ROBO2: variants seen among roughly 807,000 people sequenced by gnomAD.
The protein encoded by ROBO2 is roundabout guidance receptor 2, also known as roundabout homolog 2.
In ROBO2, 53 loss-of-function variants were observed where a neutral mutation model predicts 160.8. The ratio of observed to expected loss-of-function variants is 0.33; its 90% confidence interval spans 0.26 to 0.41. The LOEUF (loss-of-function observed/expected upper bound fraction) is 0.41, where lower values mean the gene tolerates loss of function less well. Ranked by LOEUF, ROBO2 falls within the 10% of genes least tolerant of loss-of-function variation. The pLI is 1.00. For synonymous variants in ROBO2, 664 were observed against 611.7 expected, an observed-to-expected ratio of 1.09 and a Z score of -1.26; for missense variants, 1,577 against 1,722.4, an observed-to-expected ratio of 0.92 and a Z score of 1.49.
At chr3:77,620,418 C>T (rs751292363) in intron 22 of ROBO2, among the ~76,000 whole-genome samples, 3 of 152,286 alleles carry the variant, frequency 2.0e-5, no homozygotes, top group Non-Finnish European at 4.4e-5. Flanking sequence ...TTTTTTATTC[C>T]ATCAAGGTAT....
At chr3:77,171,926 G>T (rs2079682923) in intron 2 of ROBO2, among the ~76,000 whole-genome samples, 1 of 152,144 alleles carries the variant, frequency 6.6e-6, no homozygotes, top group Admixed American at 6.5e-5. Context: ...GAGCCGTCAA[G>T]TAGCTGTATT....
intron 1 of ROBO2, among the ~76,000 whole-genome samples, chr3:77,092,656 ATAT>A (rs1169049473): frequency 1.4e-5 from 2 of 147,236 alleles, no homozygotes; most frequent in East Asian, 1.9e-4. Flanking sequence ...TTAACAATAT[ATAT>A]TATTTTAATT....
At chr3:76,427,871 T>TCA (rs1223849569) in intron 2 of ROBO2, among the ~76,000 whole-genome samples, 3 of 152,160 alleles carry the variant, frequency 2.0e-5, no homozygotes, top group African/African-American at 7.2e-5. Flanking sequence ...TCTTAATCAG[T>TCA]CACATTGATT....
rs577058850 is a variant in ROBO2 at position 77,531,361 on chromosome 3, A to G, written c.934+8459A>G. Among the ~76,000 whole-genome samples the G allele has an allele frequency of 1.2e-3, 175 of 151,524 alleles. 2 individuals carry two copies. Among genetic ancestry groups the G allele is most frequent in the African/African-American group, 3.8e-3 (157 of 41,264 alleles). ...ATTCACCATTTAAAAATTATTTTTT[A>G]AAATAAGCAGCCACTACTCTAAACA... On this transcript the variant is annotated intron_variant, in intron 6 of 25. Coordinates refer to ENST00000461745, the Ensembl canonical transcript of ROBO2.
intron 2 of ROBO2, among the ~76,000 whole-genome samples, chr3:77,270,730 C>G (rs978910783): frequency 9.2e-5 from 14 of 152,012 alleles, no homozygotes; most frequent in African/African-American, 3.4e-4. Flanking sequence ...AGATCATGAG[C>G]TCAGGAGTTC....
intron 2 of ROBO2, among the ~76,000 whole-genome samples, chr3:76,959,988 G>A (rs2079534416): frequency 6.6e-6 from 1 of 151,076 alleles, no homozygotes; most frequent in African/African-American, 2.4e-5. Flanking sequence ...TATTTTTCTT[G>A]AAAATACTTT....
intron 1 of ROBO2, among the ~76,000 whole-genome samples, chr3:77,056,529 T>C (rs1578582645): frequency 1.3e-5 from 2 of 152,296 alleles, no homozygotes; most frequent in Middle Eastern, 6.8e-3. Context: ...CAACCTCTTA[T>C]TTCTTTGAAA....
intron 2 of ROBO2, among the ~76,000 whole-genome samples, chr3:76,889,600 T>C (rs2074181890): frequency 6.6e-6 from 1 of 152,180 alleles, no homozygotes; most frequent in Non-Finnish European, 1.5e-5. Context: ...TAACAAATGT[T>C]TATCGAATAT....
At chr3:76,311,103 T>G (rs189618562) in intron 2 of ROBO2, 33 of 152,298 alleles carry the variant, frequency 2.2e-4, no homozygotes, top group Non-Finnish European at 3.8e-4. Flanking sequence ...GCTGACTGCG[T>G]ACTGAGGAGA....
chr3:76,882,150 G>A (rs143702782), intron 2 of ROBO2, among the ~76,000 whole-genome samples: 229 of 151,604 alleles, frequency 1.5e-3, no homozygotes, highest in Middle Eastern at 3.4e-3. Flanking sequence ...GTTGGTTGGG[G>A]GGGTGTGTGT....
intron 1 of ROBO2, among the ~76,000 whole-genome samples, chr3:77,057,517 T>G (rs769579205): frequency 5.9e-5 from 9 of 152,070 alleles, no homozygotes; most frequent in Non-Finnish European, 1.2e-4. Context: ...AGTCATTGCA[T>G]TTTTGTGAGT....
chr3:76,729,692 C>A (rs1164575707), intron 2 of ROBO2, among the ~76,000 whole-genome samples: 1 of 149,794 alleles, frequency 6.7e-6, no homozygotes, highest in Non-Finnish European at 1.5e-5. Context: ...GGTTGGAGCA[C>A]AGTGGTTAAA....
intron 2 of ROBO2, among the ~76,000 whole-genome samples, chr3:76,319,447 TC>T (rs2072326788): frequency 6.6e-6 from 1 of 152,102 alleles, no homozygotes; most frequent in African/African-American, 2.4e-5. Flanking sequence ...GCCTTTTTTT[TC>T]TTTCTTGGGA....
At chr3:75,955,651 T>A (rs1948697016) in intron 2 of ROBO2, among the ~76,000 whole-genome samples, 1 of 151,664 alleles carries the variant, frequency 6.6e-6, no homozygotes, top group Non-Finnish European at 1.5e-5. Flanking sequence ...AAAAAGATAA[T>A]GTTTGCAAAG....
chr3:76,465,967 A>G (rs1247136321), intron 2 of ROBO2, among the ~76,000 whole-genome samples: 2 of 147,366 alleles, frequency 1.4e-5, no homozygotes, highest in African/African-American at 2.5e-5. Context: ...TGTGCTCCTC[A>G]CTCCAGTTAA....
At chr3:76,846,564 T>A (rs2068789957) in intron 2 of ROBO2, among the ~76,000 whole-genome samples, 1 of 152,154 alleles carries the variant, frequency 6.6e-6, no homozygotes, top group Non-Finnish European at 1.5e-5. Context: ...TTAACACTGA[T>A]GGGTACATTG....
At chr3:76,355,398 G>C (rs1262691773) in intron 2 of ROBO2, among the ~76,000 whole-genome samples, 1 of 151,524 alleles carries the variant, frequency 6.6e-6, no homozygotes, top group Non-Finnish European at 1.5e-5. Context: ...CTGTGAAAAA[G>C]GTAACAATAA....
Position 75,972,146 on chromosome 3 carries a change from T to C in ROBO2, c.109+34544T>C, listed in dbSNP as rs138923482. The stretch of plus-strand genomic sequence containing the variant: ...GTCCAGTAAATGATTATTGAACAAA[T>C]GGTTATCAAAAAACTATTTTGAGCA... On this transcript the variant is annotated intron_variant, in intron 2 of 26. Coordinates refer to the ROBO2 transcript ENST00000487694. Among the ~76,000 whole-genome samples, 5 of 151,704 alleles carry C rather than the reference T, an allele frequency of 3.3e-5. No homozygotes were observed. In the East Asian group the frequency reaches 9.8e-4, roughly 30 times the overall value.
At chr3:76,200,655 C>CATGCAGA (rs1702479527) in intron 2 of ROBO2, among the ~76,000 whole-genome samples, 1 of 151,992 alleles carries the variant, frequency 6.6e-6, no homozygotes, top group South Asian at 2.1e-4. Flanking sequence ...TACAGCAGAC[C>CATGCAGA]ATGCAGAAAC....
Sources: allele counts gnomAD v4.1 joint callset (sites outside exome capture counted in the v4.1 genomes callset), GRCh38; gene constraint gnomAD v4.1.1; transcripts MANE v1.5; gene names NCBI Gene and HGNC (gene_info 2026-07-23, HGNC 2026-07-21).